The following NPEPPS variants were observed in gnomAD, a reference collection of about 807,000 sequenced individuals.
NPEPPS encodes the protein puromycin-sensitive aminopeptidase.
A neutral mutation model predicts 115.5 loss-of-function variants in NPEPPS; 14 were observed. The ratio of observed to expected loss-of-function variants is 0.12; its 90% CI spans 0.08 to 0.19. NPEPPS has a LOEUF of 0.19. Ranked by LOEUF, NPEPPS falls within the 10% of genes least tolerant of loss-of-function variation. The pLI is 1.00. For synonymous variants in NPEPPS, 285 were observed against 390.6 expected, an observed-to-expected ratio of 0.73 and a Z score of 3.19; for missense variants, 523 against 1,110.8, an observed-to-expected ratio of 0.47 and a Z score of 7.52.
At chr17:47,608,156 G>T (rs184040382) in intron 17 of NPEPPS, among the ~76,000 whole-genome samples, 109 of 152,222 alleles carry the variant, frequency 7.2e-4, no homozygotes, top group Middle Eastern at 6.8e-3. Context: ...AGCATATTTG[G>T]GTGTAAAAGG....
At chr17:47,539,306 C>T (rs553993590) in intron 1 of NPEPPS, among the ~76,000 whole-genome samples, 17 of 152,224 alleles carry the variant, frequency 1.1e-4, no homozygotes, top group African/African-American at 3.1e-4. Context: ...TCTGAGCCTT[C>T]GGATGGCTTT....
chr17:47,616,450 G>A (rs1236202064), intron 19 of NPEPPS, among the ~76,000 whole-genome samples: 5 of 152,070 alleles, frequency 3.3e-5, no homozygotes, highest in African/African-American at 9.7e-5. Context: ...TTGGGAGGCC[G>A]AGGCGGGTGT....
intron 13 of NPEPPS, among the ~76,000 whole-genome samples, chr17:47,596,799 A>G (rs984808533): frequency 6.6e-6 from 1 of 152,172 alleles, no homozygotes; most frequent in Non-Finnish European, 1.5e-5. Context: ...TGTAATCCCA[A>G]CACTCTGGGA....
At chr17:47,529,242 A>G (rs1037126958), upstream of NPEPPS, among the ~76,000 whole-genome samples, 1 of 151,974 alleles carries the variant, frequency 6.6e-6, no homozygotes, top group African/African-American at 2.4e-5. Context: ...TTGTTATTTC[A>G]TTTTTATTTT....
intron 19 of NPEPPS, among the ~76,000 whole-genome samples, chr17:47,615,419 C>T (rs901376817): frequency 2.6e-5 from 4 of 152,160 alleles, no homozygotes; most frequent in East Asian, 1.9e-4. Context: ...GAGCTGGGCA[C>T]GGTGGCATGC....
chr17:47,612,073 A>G (rs979593219), intron 17 of NPEPPS, among the ~76,000 whole-genome samples: 1 of 152,164 alleles, frequency 6.6e-6, no homozygotes, highest in African/African-American at 2.4e-5. Flanking sequence ...TAAGATTTCA[A>G]TTTATTATAC....
At chr17:47,535,087 C>G (rs981517209) in intron 1 of NPEPPS, among the ~76,000 whole-genome samples, 1 of 141,626 alleles carries the variant, frequency 7.1e-6, no homozygotes, top group Non-Finnish European at 1.5e-5. Context: ...TACTAAAATA[C>G]AAAAAATTAG....
At position 47,599,877 on chromosome 17, in the gene NPEPPS, G is replaced by A. The variant is rs941072295; in HGVS notation, c.1600+138G>A. On this transcript the variant is annotated intron_variant, in intron 14 of 22. Coordinates refer to ENST00000322157, the MANE Select transcript of NPEPPS (RefSeq NM_006310.4). ...CTGTCGCCCAGGCTCGAGTGCCATA[G>A]CGTGATCTTGGCTCACTGCAACCTC... 3 of 690,452 alleles carry A rather than the reference G, an allele frequency of 4.3e-6. No individual in the cohort carries two copies. The Admixed American group carries it at 8.0e-5, about 18-fold the overall frequency. The allele number at this position is 690,452 out of a possible 1,614,324, so 42.8% of individuals were successfully genotyped here.
intron 19 of NPEPPS, among the ~76,000 whole-genome samples, chr17:47,614,496 A>G (rs1173838899): frequency 1.3e-5 from 2 of 152,250 alleles, no homozygotes; most frequent in Non-Finnish European, 2.9e-5. Flanking sequence ...ATTAATAGAC[A>G]GGAAATTAAT....
rs574588963 is a variant in NPEPPS, at chr17:47,575,908, G to A, written c.419-3482G>A. Reference sequence around the variant, plus strand: ...CAGGTGTGAGCCACCACGCCCCACCGACAATATTGAATTATTTAATATCTG... The same window carrying A: ...CAGGTGTGAGCCACCACGCCCCACCAACAATATTGAATTATTTAATATCTG... On this transcript the variant is annotated intron_variant, in intron 3 of 22. Transcript: ENST00000322157. Among the ~76,000 whole-genome samples the A allele has an allele frequency of 2.1e-4, 32 of 152,054 alleles. No homozygotes were observed. The East Asian group carries it at 2.9e-3, about 14-fold the overall frequency.
At chr17:47,600,433 C>CT (rs1209705955) in intron 14 of NPEPPS, among the ~76,000 whole-genome samples, 2 of 152,046 alleles carry the variant, frequency 1.3e-5, no homozygotes, top group Non-Finnish European at 2.9e-5. Flanking sequence ...GAGACCCTGT[C>CT]TGGGGGGAGA....
chr17:47,535,047 A>G (rs1175812280), intron 1 of NPEPPS, among the ~76,000 whole-genome samples: 1 of 149,982 alleles, frequency 6.7e-6, no homozygotes, highest in Non-Finnish European at 1.5e-5. Flanking sequence ...GATCGAGACC[A>G]TCCTGGCTAA....
At chr17:47,553,798 T>C (rs1295019410) in intron 2 of NPEPPS, among the ~76,000 whole-genome samples, 2 of 151,770 alleles carry the variant, frequency 1.3e-5, no homozygotes, top group Non-Finnish European at 2.9e-5. Flanking sequence ...TCGCCCAGGC[T>C]GGAGTGCAAT....
intron 1 of NPEPPS, among the ~76,000 whole-genome samples, chr17:47,539,049 G>A (rs1053869334): frequency 6.6e-6 from 1 of 151,012 alleles, no homozygotes; most frequent in Non-Finnish European, 1.5e-5. Context: ...TAAAGGGTAT[G>A]CGTTTTATTG....
At chr17:47,588,609 G>A (rs747309696) in intron 9 of NPEPPS, among the ~76,000 whole-genome samples, 1 of 151,924 alleles carries the variant, frequency 6.6e-6, no homozygotes, top group Non-Finnish European at 1.5e-5. Flanking sequence ...TTATGTGTTG[G>A]TGCCTGTATT....
chr17:47,584,922 A>C (rs2926546), intron 5 of NPEPPS, among the ~76,000 whole-genome samples: 2 of 152,024 alleles, frequency 1.3e-5, no homozygotes, highest in Non-Finnish European at 2.9e-5. Flanking sequence ...CCGCCTCCCT[A>C]GTTCACGACA....
intron 1 of NPEPPS, among the ~76,000 whole-genome samples, chr17:47,533,960 A>G (rs977160854): frequency 2.6e-5 from 4 of 152,230 alleles, no homozygotes; most frequent in African/African-American, 7.2e-5. Flanking sequence ...CATGTTTGGA[A>G]GGGTAAAAGA....
At chr17:47,615,170 C>T (rs187488288) in intron 19 of NPEPPS, among the ~76,000 whole-genome samples, 7 of 150,770 alleles carry the variant, frequency 4.6e-5, no homozygotes, top group Admixed American at 3.3e-4. Context: ...CTCTGCCTCC[C>T]GGGTTCACGT....
At chr17:47,570,009 C>T (rs1240597984) in intron 3 of NPEPPS, among the ~76,000 whole-genome samples, 1 of 152,180 alleles carries the variant, frequency 6.6e-6, no homozygotes, top group African/African-American at 2.4e-5. Flanking sequence ...GCAGGGTTTC[C>T]ACCTCCTGTC....
Sources: gnomAD v4.1 joint callset for allele counts (sites outside exome capture counted in the v4.1 genomes callset) on GRCh38, gnomAD v4.1.1 for gene constraint, MANE v1.5 for transcripts, NCBI Gene and HGNC (gene_info 2026-07-23, HGNC 2026-07-21) for gene names.